Variants in SCN8A observed in about 807,000 individuals in gnomAD.
SCN8A encodes the protein sodium channel protein type 8 subunit alpha.
A neutral mutation model predicts 184.1 loss-of-function variants in SCN8A; 30 were observed. The ratio of observed to expected loss-of-function variants is 0.16; its 90% CI spans 0.12 to 0.22. The LOEUF (loss-of-function observed/expected upper bound fraction) is 0.22. Among genes scored for constraint, SCN8A ranks in the 10% least tolerant of loss-of-function variants. The pLI is 1.00. For synonymous variants in SCN8A, 852 were observed against 907.0 expected, an observed-to-expected ratio of 0.94 and a Z score of 1.09; for missense variants, 1,057 against 2,498.9, an observed-to-expected ratio of 0.42 and a Z score of 12.30.
chr12:51,642,325 A>T (rs568915999), intron 1 of SCN8A, among the ~76,000 whole-genome samples: 1 of 152,234 alleles, frequency 6.6e-6, no homozygotes, highest in Non-Finnish European at 1.5e-5. Flanking sequence ...CACCTTTTCT[A>T]TGAAGCTGGA....
chr12:51,701,406 G>A (rs987691805), intron 8 of SCN8A, among the ~76,000 whole-genome samples, 199 bp downstream of exon 8: 1 of 152,160 alleles, frequency 6.6e-6, no homozygotes, highest in African/African-American at 2.4e-5. Flanking sequence ...GTAAGTGCCT[G>A]TGCTTGTAGT....
chr12:51,721,133 ATATT>A (rs1359010541), intron 11 of SCN8A, among the ~76,000 whole-genome samples: 5 of 134,134 alleles, frequency 3.7e-5, no homozygotes, highest in Admixed American at 7.7e-5. Context: ...TATATATATA[ATATT>A]TATTTATTGT....
intron 2 of SCN8A, among the ~76,000 whole-genome samples, chr12:51,674,547 C>G (rs1485126463): frequency 1.3e-5 from 2 of 152,100 alleles, no homozygotes; most frequent in Non-Finnish European, 2.9e-5. Context: ...GTTGACCAGG[C>G]TGGTCTTGAG....
At chr12:51,756,681 C>T (rs1942680010) in intron 14 of SCN8A, among the ~76,000 whole-genome samples, 2 of 152,318 alleles carry the variant, frequency 1.3e-5, no homozygotes, top group African/African-American at 4.8e-5. Flanking sequence ...ACAGCCCATG[C>T]CAGCCTGCTG....
chr12:51,787,824 G>A (rs1938128945), intron 22 of SCN8A, among the ~76,000 whole-genome samples: 1 of 152,168 alleles, frequency 6.6e-6, no homozygotes, highest in African/African-American at 2.4e-5. Flanking sequence ...GGAATGAACT[G>A]TAGTTTTTCC....
intron 16 of SCN8A, 42 bp from the exon 17 acceptor site, chr12:51,768,823 C>A: frequency 6.7e-7 from 1 of 1,495,896 alleles, no homozygotes; most frequent in Non-Finnish European, 8.9e-7. Flanking sequence ...CGATGGATAA[C>A]TTTTCTGCAT....
intron 11 of SCN8A, chr12:51,713,550 G>A (rs1941916567): frequency 4.1e-6 from 3 of 734,452 alleles, no homozygotes; most frequent in Non-Finnish European, 7.4e-6. Context: ...CCTGCCGGTG[G>A]CAATGTCGAC....
chr12:51,743,598 A>G (rs543636941), intron 12 of SCN8A, among the ~76,000 whole-genome samples: 1 of 152,118 alleles, frequency 6.6e-6, no homozygotes, highest in African/African-American at 2.4e-5. Context: ...TCTGGCCATT[A>G]CTGCTGAGAC....
At chr12:51,709,587 G>A (rs1941840135) in intron 11 of SCN8A, among the ~76,000 whole-genome samples, 2 of 152,146 alleles carry the variant, frequency 1.3e-5, no homozygotes, top group African/African-American at 4.8e-5. Context: ...AAGTCATTGA[G>A]GACTTTAAAG....
chr12:51,750,226 C>T (rs1417576404), intron 13 of SCN8A, among the ~76,000 whole-genome samples: 1 of 152,138 alleles, frequency 6.6e-6, no homozygotes, highest in Non-Finnish European at 1.5e-5. Context: ...CAAGTGGGCT[C>T]CTGCTTCATC....
chr12:51,764,901 A>G (rs923391364), intron 15 of SCN8A, among the ~76,000 whole-genome samples: 2 of 151,314 alleles, frequency 1.3e-5, no homozygotes, highest in Non-Finnish European at 2.9e-5. Context: ...CAGCCTCCCA[A>G]GTAGCTGGGA....
At chr12:51,784,352 T>C (rs75498760) in intron 21 of SCN8A, among the ~76,000 whole-genome samples, 21,269 of 152,052 alleles carry the variant, frequency 0.14, 1,829 homozygotes, top group East Asian at 0.36. Flanking sequence ...GTCAGGAGTT[T>C]GAGACCAACC....
intron 1 of SCN8A, among the ~76,000 whole-genome samples, chr12:51,655,262 C>A (rs1940798904): frequency 6.6e-6 from 1 of 152,154 alleles, no homozygotes; most frequent in African/African-American, 2.4e-5. Flanking sequence ...TCCTTTCATT[C>A]CTGTTATAAC....
chr12:51,602,632 AT>A (rs2138560490), intron 1 of SCN8A, among the ~76,000 whole-genome samples: 1 of 152,328 alleles, frequency 6.6e-6, no homozygotes, highest in South Asian at 2.1e-4. Flanking sequence ...CAATCAATCA[AT>A]CAATCAATCA....
chr12:51,732,132 G>T lies in SCN8A; in HGVS notation c.1998+10224G>T, dbSNP rs375309941. ...GCTGTGCTTGTAGGGTATTATTCAA[G>T]AAATTTTTACCCAGACCAGTGTCCT... On this transcript the variant is annotated intron_variant, in intron 12 of 26. Coordinates refer to ENST00000627620, the MANE Select transcript of SCN8A (RefSeq NM_001330260.2). 2.6e-5 allele frequency among the ~76,000 whole-genome samples: 4 copies of T among 152,132 alleles called. No individual in the cohort carries two copies. In the East Asian group the frequency reaches 5.8e-4, roughly 22 times the overall value.
intron 19 of SCN8A, among the ~76,000 whole-genome samples, chr12:51,771,842 C>T (rs1305615424): frequency 2.0e-5 from 3 of 152,124 alleles, no homozygotes; most frequent in Non-Finnish European, 2.9e-5. Flanking sequence ...CAGACTAAGC[C>T]GAGTGATTGG....
At chr12:51,778,062 G>A (rs1937766438) in intron 20 of SCN8A, among the ~76,000 whole-genome samples, 1 of 152,202 alleles carries the variant, frequency 6.6e-6, no homozygotes, top group Admixed American at 6.5e-5. Context: ...AAAGGGATTA[G>A]TTGGTGCTAC....
At chr12:51,679,649 A>G (rs769905954) in intron 2 of SCN8A, among the ~76,000 whole-genome samples, 8 of 151,614 alleles carry the variant, frequency 5.3e-5, no homozygotes, top group Non-Finnish European at 2.9e-5. Context: ...TCGTGTAACT[A>G]CTGCAAGCCC....
At position 51,730,096 on chromosome 12, in the gene SCN8A, T is replaced by C. The variant is rs1942216291; in HGVS notation, c.1998+8188T>C. 1.3e-5 allele frequency among the ~76,000 whole-genome samples: 2 copies of C among 152,212 alleles called. 1 individual carries two copies. The highest frequency in any genetic ancestry group is 1.3e-4 in the Admixed American group (2 of 15,286). On this transcript the variant is annotated intron_variant, in intron 12 of 26. Coordinates refer to ENST00000627620, the MANE Select transcript of SCN8A (RefSeq NM_001330260.2). Reference sequence around the variant, plus strand: ...ATATCAATTTTTTTCTTTTATGATATGGCTTTTTGCATCCTGTTCAAGGAT... The same window carrying C: ...ATATCAATTTTTTTCTTTTATGATACGGCTTTTTGCATCCTGTTCAAGGAT...
Sources: gnomAD v4.1 joint callset for allele counts (sites outside exome capture counted in the v4.1 genomes callset) on GRCh38, gnomAD v4.1.1 for gene constraint, MANE v1.5 for transcripts, NCBI Gene and HGNC (gene_info 2026-07-23, HGNC 2026-07-21) for gene names.